The following UHRF2 variants were observed in gnomAD, a reference collection of about 807,000 sequenced individuals.
UHRF2 encodes the protein E3 ubiquitin-protein ligase UHRF2.
Under a neutral mutation model 96.8 loss-of-function variants are expected in UHRF2, and 23 were observed. The ratio of observed to expected loss-of-function variants is 0.24; its 90% CI spans 0.17 to 0.34. The LOEUF (loss-of-function observed/expected upper bound fraction) is 0.34. UHRF2 is among the 10% of genes least tolerant of loss of function. UHRF2 has a pLI of 1.00. For missense variants in UHRF2, 685 were observed against 981.5 expected, an observed-to-expected ratio of 0.70 and a Z score of 4.04; for synonymous variants, 385 against 332.6, an observed-to-expected ratio of 1.16 and a Z score of -1.72.
At chr9:6,435,634 T>A (rs537586484) in intron 3 of UHRF2, among the ~76,000 whole-genome samples, 1 of 152,100 alleles carries the variant, frequency 6.6e-6, no homozygotes, top group South Asian at 2.1e-4. Context: ...AGAGACAGAG[T>A]CTTGCTCTGT....
In UHRF2 at chr9:6,430,641, C is replaced by T. The variant is rs147248725; in HGVS notation, c.385-3273C>T. Among the ~76,000 whole-genome samples, 832 of 152,170 alleles carry T rather than the reference C, an allele frequency of 5.5e-3. 4 individuals are homozygous for T. The highest frequency in any genetic ancestry group is 0.019 in the African/African-American group (770 of 41,494). ...ACTCTTAAACACCAAGCCAATATTC[C>T]GCCCTGATCACCCACAGCCAGGTAC... is the stretch of plus-strand genomic sequence containing the variant. On this transcript the variant is annotated intron_variant, in intron 2 of 15. Coordinates refer to ENST00000276893, the MANE Select transcript of UHRF2 (RefSeq NM_152896.3).
intron 14 of UHRF2, 119 bp from the exon 15 acceptor site, chr9:6,504,474 T>A (rs1816479951): frequency 1.6e-6 from 1 of 621,870 alleles, no homozygotes; most frequent in Non-Finnish European, 2.8e-6. Context: ...AAACATCTTT[T>A]ATGCTGGGAA....
chr9:6,421,531 C>G (rs985871830), intron 2 of UHRF2, among the ~76,000 whole-genome samples: 1 of 152,254 alleles, frequency 6.6e-6, no homozygotes, highest in Middle Eastern at 3.4e-3. Flanking sequence ...AATCTCCTGC[C>G]TTAGTCTCCT....
intron 7 of UHRF2, 93 bp from the exon 8 acceptor site, chr9:6,481,899 A>T: frequency 6.5e-7 from 1 of 1,539,976 alleles, no homozygotes. Flanking sequence ...TAAATTACAT[A>T]AACAGTTGGG....
At chr9:6,442,541 C>G (rs909023021) in intron 3 of UHRF2, among the ~76,000 whole-genome samples, 2 of 152,082 alleles carry the variant, frequency 1.3e-5, no homozygotes, top group Non-Finnish European at 2.9e-5. Context: ...TGCAGTGGCA[C>G]AAACATGGCT....
intron 9 of UHRF2, among the ~76,000 whole-genome samples, chr9:6,491,223 A>C (rs1176995873): frequency 6.6e-6 from 1 of 152,138 alleles, no homozygotes; most frequent in African/African-American, 2.4e-5. Context: ...CGGAAGCCAG[A>C]GTCTGTTTGG....
At chr9:6,488,657 G>A (rs1824464988) in intron 9 of UHRF2, among the ~76,000 whole-genome samples, 1 of 148,688 alleles carries the variant, frequency 6.7e-6, no homozygotes, top group African/African-American at 2.5e-5. Context: ...GGGATTACAG[G>A]CGGCCGGTTA....
At chr9:6,481,622 G>C (rs535843849) in intron 6 of UHRF2, 21 bp from the exon 7 acceptor site, 2 of 1,604,174 alleles carry the variant, frequency 1.2e-6, no homozygotes, top group South Asian at 2.2e-5. Context: ...AAATGCCTTC[G>C]TTCTTTTTTT....
intron 1 of UHRF2, among the ~76,000 whole-genome samples, chr9:6,417,762 TG>T (rs1819692007): frequency 6.6e-6 from 1 of 152,214 alleles, no homozygotes; most frequent in African/African-American, 2.4e-5. Flanking sequence ...TGCCGTGATA[TG>T]CTTAGACATG....
intron 9 of UHRF2, 105 bp downstream of exon 9, chr9:6,487,030 A>G: frequency 1.9e-6 from 2 of 1,064,394 alleles, no homozygotes; most frequent in Non-Finnish European, 1.4e-6. Context: ...TTTTTAGCAC[A>G]GTTTTTGTTG....
rs568450775 is a variant in UHRF2, at chr9:6,447,927, TA to T, written c.645-12641del. On this transcript the variant is annotated intron_variant, in intron 3 of 15. Transcript: ENST00000276893. ...TGGAGGAAGGCATGTGGAATAGAAC[TA>T]AAAACAAGAGGATTGGTTAATTTGT... Among the ~76,000 whole-genome samples, 810 of 152,308 alleles carry T rather than the reference TA, an allele frequency of 5.3e-3. 3 individuals are homozygous for T. Among genetic ancestry groups the T allele is most frequent in the African/African-American group, 0.018 (751 of 41,576 alleles).
rs982345200 is a variant in UHRF2 at position 6,413,242 on chromosome 9, C to A, written c.-249C>A. ...CGGCGCAGACATGGCCTCTTCCTAT[C>A]TTTGAGGCGGTGTCTGCGGCAGCGC... On this transcript the variant is annotated 5_prime_UTR_variant, in exon 1 of 16. Coordinates refer to ENST00000276893, the MANE Select transcript of UHRF2 (RefSeq NM_152896.3). The A allele has an allele frequency of 1.6e-5, 3 of 185,312 alleles. No homozygotes were observed. The highest frequency in any genetic ancestry group is 7.1e-5 in the African/African-American group (3 of 42,346). The allele number at this position is 185,312 out of a possible 1,614,324, so 11.5% of individuals were successfully genotyped here.
intron 1 of UHRF2, chr9:6,414,232 G>C (rs1157356297): frequency 6.6e-6 from 1 of 152,272 alleles, no homozygotes; most frequent in African/African-American, 2.4e-5. Context: ...CTCCCTCGCC[G>C]CCTTTCCTAG....
chr9:6,416,743 G>C (rs1476706815), intron 1 of UHRF2, among the ~76,000 whole-genome samples: 2 of 150,102 alleles, frequency 1.3e-5, no homozygotes, highest in African/African-American at 4.9e-5. Context: ...GTTTCACCGT[G>C]GTCTCGATCT....
At chr9:6,431,325 T>G (rs950891062) in intron 2 of UHRF2, among the ~76,000 whole-genome samples, 7 of 152,146 alleles carry the variant, frequency 4.6e-5, no homozygotes, top group African/African-American at 1.7e-4. Flanking sequence ...TCCTTTTTTT[T>G]GGCCAGGCAG....
Position 6,487,700 on chromosome 9 carries a change from C to G in UHRF2, c.1497+775C>G, listed in dbSNP as rs572979744. On this transcript the variant is annotated intron_variant, in intron 9 of 15. Coordinates refer to ENST00000276893, the MANE Select transcript of UHRF2 (RefSeq NM_152896.3). ...TATTTTTAGTAGAGCTGGGGTTTCG[C>G]CATGTTGGCCAGGTTGGTCTCAAAC... is the stretch of plus-strand genomic sequence containing the variant. Among the ~76,000 whole-genome samples the G allele has an allele frequency of 1.2e-4, 19 of 152,304 alleles. 1 individual carries two copies. The South Asian group carries it at 3.9e-3, about 32-fold the overall frequency.
At chr9:6,492,286 C>T (rs1482856725) in intron 9 of UHRF2, 3 of 1,213,692 alleles carry the variant, frequency 2.5e-6, no homozygotes, top group Non-Finnish European at 2.2e-6. Flanking sequence ...ATGGCACTCC[C>T]ATAATAACTT....
intron 1 of UHRF2, among the ~76,000 whole-genome samples, chr9:6,416,627 C>T (rs1034398362): frequency 6.7e-6 from 1 of 149,934 alleles, no homozygotes; most frequent in South Asian, 2.1e-4. Context: ...ACTGCAAGCT[C>T]CGCCTTCCGG....
chr9:6,495,716 T>A (rs1231465059), intron 10 of UHRF2: 1 of 152,162 alleles, frequency 6.6e-6, no homozygotes, highest in African/African-American at 2.4e-5. Flanking sequence ...TATTGCCTAG[T>A]TTCATCCTCT....
Sources: gnomAD v4.1 joint callset for allele counts (sites outside exome capture counted in the v4.1 genomes callset) on GRCh38, gnomAD v4.1.1 for gene constraint, MANE v1.5 for transcripts, NCBI Gene and HGNC (gene_info 2026-07-23, HGNC 2026-07-21) for gene names.